Variants in PRELID2 observed in about 807,000 individuals in gnomAD.
The protein encoded by PRELID2 is PRELI domain-containing protein 2.
A neutral mutation model predicts 28.4 loss-of-function variants in PRELID2; 25 were observed. That is an observed-to-expected ratio of 0.88 (90% CI 0.64 to 1.23). The LOEUF is 1.23. PRELID2 is among the 50% of genes most tolerant of loss of function. The pLI, the probability that PRELID2 is intolerant of heterozygous loss-of-function variation, is 0.00. For missense variants in PRELID2, 201 were observed against 214.4 expected (o/e 0.94, Z 0.39); for synonymous variants, 76 against 71.6 (o/e 1.06, Z -0.31).
At chr5:145,707,789 T>C (rs1388745990) in intron 1 of PRELID2, among the ~76,000 whole-genome samples, 1 of 152,162 alleles carries the variant, frequency 6.6e-6, no homozygotes, top group African/African-American at 2.4e-5. Context: ...ATTGTTTACA[T>C]TGTGTTGTCC....
intron 1 of PRELID2, among the ~76,000 whole-genome samples, chr5:145,493,518 G>A (rs535279520): frequency 5.9e-5 from 9 of 152,220 alleles, no homozygotes; most frequent in Non-Finnish European, 1.0e-4. Context: ...AAACACTGTA[G>A]CATGGCTTTT....
the PRELID2 span, among the ~76,000 whole-genome samples, chr5:145,343,634 C>A: frequency 2.0e-5 from 3 of 151,134 alleles, no homozygotes; most frequent in East Asian, 5.8e-4. Context: ...CAAACCATAC[C>A]CAAAATTAGC....
the PRELID2 span, among the ~76,000 whole-genome samples, chr5:145,242,507 G>C: frequency 6.6e-6 from 1 of 152,050 alleles, no homozygotes; most frequent in Non-Finnish European, 1.5e-5. Context: ...AGGTTATCCG[G>C]ATAGTGCTAC....
intron 1 of PRELID2, among the ~76,000 whole-genome samples, chr5:145,595,572 G>T (rs1003960438): frequency 6.6e-6 from 1 of 152,222 alleles, no homozygotes; most frequent in South Asian, 2.1e-4. Flanking sequence ...GTATTGTAGT[G>T]TATGCCATAC....
chr5:145,353,956 G>A, the PRELID2 span, among the ~76,000 whole-genome samples: 1 of 152,136 alleles, frequency 6.6e-6, no homozygotes, highest in Non-Finnish European at 1.5e-5. Context: ...TGGTTATGGT[G>A]AAATTTAACA....
chr5:145,343,764 C>T, the PRELID2 span, among the ~76,000 whole-genome samples: 2 of 151,602 alleles, frequency 1.3e-5, no homozygotes, highest in Admixed American at 1.3e-4. Flanking sequence ...CGATAAACCA[C>T]TATGTAGATG....
intron 4 of PRELID2, among the ~76,000 whole-genome samples, chr5:145,809,532 C>A (rs996371712): frequency 6.6e-6 from 1 of 152,246 alleles, no homozygotes; most frequent in East Asian, 1.9e-4. Context: ...GCTTTTCCAC[C>A]TTTCCCGGCC....
intron 1 of PRELID2, among the ~76,000 whole-genome samples, chr5:145,579,455 T>C (rs1162759927): frequency 6.6e-6 from 1 of 152,098 alleles, no homozygotes; most frequent in Non-Finnish European, 1.5e-5. Context: ...GAGCAATAAT[T>C]GTGTAATTGT....
intron 1 of PRELID2, among the ~76,000 whole-genome samples, chr5:145,834,252 C>T (rs1292949847): frequency 6.6e-6 from 1 of 152,142 alleles, no homozygotes. Context: ...CAAAATCAAT[C>T]AAGCCCAGAG....
chr5:145,382,820 T>A, the PRELID2 span, among the ~76,000 whole-genome samples: 2 of 151,738 alleles, frequency 1.3e-5, no homozygotes, highest in African/African-American at 4.8e-5. Context: ...ACACAATATA[T>A]CCATGTAACA....
intron 1 of PRELID2, among the ~76,000 whole-genome samples, chr5:145,664,621 T>C (rs1256575467): frequency 3.3e-5 from 5 of 152,088 alleles, no homozygotes; most frequent in African/African-American, 1.2e-4. Context: ...AGCAAAGGAA[T>C]GCACCCCGTC....
At chr5:145,698,519 G>T (rs1161443778) in intron 1 of PRELID2, among the ~76,000 whole-genome samples, 1 of 152,168 alleles carries the variant, frequency 6.6e-6, no homozygotes, top group Admixed American at 6.5e-5. Flanking sequence ...AGGCTGGGAA[G>T]TCCAAGATCA....
chr5:145,631,963 C>G (rs978300567), intron 1 of PRELID2, among the ~76,000 whole-genome samples: 1 of 152,162 alleles, frequency 6.6e-6, no homozygotes, highest in African/African-American at 2.4e-5. Context: ...CTTTGAAAAT[C>G]TGGCTCTAAA....
intron 1 of PRELID2, among the ~76,000 whole-genome samples, chr5:145,504,194 G>A (rs1181754031): frequency 6.6e-6 from 1 of 152,152 alleles, no homozygotes; most frequent in African/African-American, 2.4e-5. Flanking sequence ...AGCTAGCAGG[G>A]CAGTGCCTGG....
the PRELID2 span, among the ~76,000 whole-genome samples, chr5:145,236,813 G>A: frequency 6.6e-6 from 1 of 152,074 alleles, no homozygotes; most frequent in Admixed American, 6.6e-5. Flanking sequence ...TTAAGGAAAT[G>A]TATAAATACT....
At chr5:145,253,890 TTTTA>T in the PRELID2 span, among the ~76,000 whole-genome samples, 2 of 152,126 alleles carry the variant, frequency 1.3e-5, no homozygotes, top group African/African-American at 4.8e-5. Context: ...CTTTTGTCAC[TTTTA>T]TTTAGTGTTT....
intron 4 of PRELID2, among the ~76,000 whole-genome samples, chr5:145,810,495 C>T (rs1319497110): frequency 6.6e-6 from 1 of 152,168 alleles, no homozygotes; most frequent in Non-Finnish European, 1.5e-5. Context: ...ATACAAGTTT[C>T]CCAGTCCCAT....
intron 1 of PRELID2, among the ~76,000 whole-genome samples, chr5:145,693,280 T>A (rs1252024168): frequency 6.6e-6 from 1 of 151,826 alleles, no homozygotes; most frequent in Non-Finnish European, 1.5e-5. Flanking sequence ...CCCAAGTAGC[T>A]GAGACCACAG....
chr5:145,231,236 A>G, the PRELID2 span, among the ~76,000 whole-genome samples: 1 of 150,866 alleles, frequency 6.6e-6, no homozygotes, highest in Admixed American at 6.6e-5. Context: ...ATTTTTTGTC[A>G]TGACTTTTGA....
Sources: allele counts gnomAD v4.1 joint callset (sites outside exome capture counted in the v4.1 genomes callset), GRCh38; gene constraint gnomAD v4.1.1; transcripts MANE v1.5; gene names NCBI Gene and HGNC (gene_info 2026-07-23, HGNC 2026-07-21).